The following PIEZO2 variants were observed in gnomAD, a reference collection of about 807,000 sequenced individuals.
PIEZO2 encodes piezo type mechanosensitive ion channel component 2, also known as piezo-type mechanosensitive ion channel component 2.
In PIEZO2, 172 loss-of-function variants were observed where a neutral mutation model predicts 337.3. The ratio of observed to expected loss-of-function variants is 0.51; its 90% confidence interval spans 0.45 to 0.58. The LOEUF (loss-of-function observed/expected upper bound fraction) is 0.58, where lower values mean the gene tolerates loss of function less well. Among genes scored for constraint, PIEZO2 ranks in the 20% least tolerant of loss-of-function variants. PIEZO2 has a pLI of 0.00. For missense variants in PIEZO2, 3,028 were observed against 3,391.3 expected (o/e 0.89, Z 2.66); for synonymous variants, 1,251 against 1,228.5 (o/e 1.02, Z -0.38).
Position 10,679,907 on chromosome 18 carries a change from ACAG to A in PIEZO2, c.7952+289_7952+291del, listed in dbSNP as rs1443405830. Among the ~76,000 whole-genome samples, 10 of 152,318 alleles carry A rather than the reference ACAG, an allele frequency of 6.6e-5. No individual in the cohort carries two copies. The East Asian group carries it at 1.5e-3, about 23-fold the overall frequency. ...GGATTTTGGAATGCAAAAATAAAAA[ACAG>A]CAACAACAACAAAAACCCCAAAACC... On this transcript the variant is annotated intron_variant, in intron 52 of 55. Transcript: ENST00000674853.
At chr18:10,760,626 T>G (rs767076613) in intron 24 of PIEZO2, among the ~76,000 whole-genome samples, 7 of 152,164 alleles carry the variant, frequency 4.6e-5, no homozygotes, top group Non-Finnish European at 7.3e-5. Flanking sequence ...ACTTTATTCT[T>G]AATAAGAAAC....
intron 1 of PIEZO2, among the ~76,000 whole-genome samples, chr18:11,137,763 G>C (rs1218344908): frequency 6.6e-6 from 1 of 152,208 alleles, no homozygotes; most frequent in East Asian, 1.9e-4. Context: ...AAGATTACCA[G>C]CTTGCTAAGG....
intron 7 of PIEZO2, among the ~76,000 whole-genome samples, chr18:10,852,005 G>T (rs894934963): frequency 2.6e-5 from 4 of 152,068 alleles, no homozygotes; most frequent in South Asian, 2.1e-4. Flanking sequence ...CCCTACAGAG[G>T]ATATTTACAT....
chr18:10,820,596 A>C (rs1325528126), intron 7 of PIEZO2, among the ~76,000 whole-genome samples: 1 of 152,192 alleles, frequency 6.6e-6, no homozygotes, highest in African/African-American at 2.4e-5. Flanking sequence ...AAAATATTTT[A>C]AAAAGCTGTT....
rs573368084 is a variant in PIEZO2 at position 11,009,173 on chromosome 18, G to C, written c.161-29513C>G. Among the ~76,000 whole-genome samples the C allele has an allele frequency of 1.6e-4, 24 of 152,338 alleles. No homozygotes were observed. The South Asian group carries it at 4.3e-3, about 28-fold the overall frequency. ...GTAGGAATCCTGGTAGGTTGCTCTT[G>C]CCACGTCACTGTTATTTGCCTGGGC... On this transcript the variant is annotated intron_variant, in intron 2 of 55. Coordinates refer to ENST00000674853, the MANE Select transcript of PIEZO2 (RefSeq NM_001378183.1). This position sits in a 1 kb window ranked among gnomAD's most constrained non-coding sequence, Gnocchi z 4.6.
chr18:10,691,782 C>CACACACATATATAT, intron 47 of PIEZO2, among the ~76,000 whole-genome samples: 1 of 96,614 alleles, frequency 1.0e-5, no homozygotes, highest in Admixed American at 1.1e-4. Context: ...CACACACACA[C>CACACACATATATAT]ATATATATAT....
rs530210220 is a variant in PIEZO2 at position 10,798,986 on chromosome 18, G to A, written c.1378+1351C>T. 2.4e-4 allele frequency among the ~76,000 whole-genome samples: 37 copies of A among 152,252 alleles called. No individual in the cohort carries two copies. In the South Asian group the frequency reaches 7.3e-3, roughly 30 times the overall value. ...CATGGGTTGGGTGTGAGGGTGGGGT[G>A]GGGGTGGTGGCTGACCTTGATTTAA... is the stretch of plus-strand genomic sequence containing the variant. On this transcript the variant is annotated intron_variant, in intron 11 of 55. Transcript: ENST00000674853.
At position 11,110,771 on chromosome 18, in the gene PIEZO2, G is replaced by A. The variant is rs2039707641; in HGVS notation, c.64+37754C>T. Among the ~76,000 whole-genome samples, 1 of 151,894 alleles carries A rather than the reference G, an allele frequency of 6.6e-6. No homozygotes were observed. Among genetic ancestry groups the A allele is most frequent in the African/African-American group, 2.4e-5 (1 of 41,360 alleles). ...GTCAAGCTGATGGCAGGCAGCTCTG[G>A]CCCACGTGTGCGTTTCCTTTGGAAC... On this transcript the variant is annotated intron_variant, in intron 1 of 55. Transcript: ENST00000674853. The surrounding 1 kb of genome is among the most constrained non-coding windows in gnomAD (Gnocchi z 4.2).
chr18:10,927,996 C>T (rs1002425033), intron 3 of PIEZO2, among the ~76,000 whole-genome samples: 3 of 152,126 alleles, frequency 2.0e-5, no homozygotes, highest in African/African-American at 7.2e-5. Context: ...AAGGAAGATT[C>T]AAAATTTCAC....
intron 1 of PIEZO2, among the ~76,000 whole-genome samples, chr18:11,138,270 AGT>A (rs1316383184): frequency 6.6e-6 from 1 of 152,126 alleles, no homozygotes; most frequent in Non-Finnish European, 1.5e-5. Context: ...CAAAAGATAT[AGT>A]GTTTTTTTTG....
chr18:10,947,850 T>G (rs972684645), intron 3 of PIEZO2, among the ~76,000 whole-genome samples: 1 of 152,144 alleles, frequency 6.6e-6, no homozygotes, highest in South Asian at 2.1e-4. Context: ...TAGTATACTA[T>G]TGCAAAGTTC....
intron 3 of PIEZO2, among the ~76,000 whole-genome samples, chr18:10,951,376 C>T (rs1034120204): frequency 6.6e-6 from 1 of 152,148 alleles, no homozygotes; most frequent in Admixed American, 6.6e-5. Context: ...TTGAGGGATT[C>T]ATCTCTACAT....
intron 2 of PIEZO2, among the ~76,000 whole-genome samples, chr18:11,063,213 T>C (rs953073562): frequency 6.3e-5 from 9 of 142,178 alleles, no homozygotes; most frequent in Admixed American, 4.6e-4. Flanking sequence ...TCCTCACTCA[T>C]AGGTGGGAAT....
chr18:10,696,564 C>G, intron 45 of PIEZO2, 25 bp from the exon 46 acceptor site: 1 of 1,611,894 alleles, frequency 6.2e-7, no homozygotes, highest in South Asian at 1.1e-5. Context: ...CCCCCACCCC[C>G]AACCCACTTG....
chr18:10,989,119 G>A (rs1354492561), intron 2 of PIEZO2, among the ~76,000 whole-genome samples: 4 of 152,034 alleles, frequency 2.6e-5, no homozygotes, highest in African/African-American at 9.7e-5. Context: ...TAATAATAAA[G>A]GAAGAGAGAG....
chr18:10,776,027 T>C (rs114420626), intron 18 of PIEZO2, among the ~76,000 whole-genome samples: 2,675 of 152,348 alleles, frequency 0.018, 67 homozygotes, highest in African/African-American at 0.06. Flanking sequence ...AAAAACTGTG[T>C]GCATAAAACA....
rs182157191 is a variant in PIEZO2, at chr18:10,783,156, T to C, written c.2492+1628A>G. On this transcript the variant is annotated intron_variant, in intron 17 of 55. Coordinates refer to ENST00000674853, the MANE Select transcript of PIEZO2 (RefSeq NM_001378183.1). This position sits in a 1 kb window ranked among gnomAD's most constrained non-coding sequence, Gnocchi z 4.3. ...TTGGAAGAAAAAAAAGATTTTTTTT[T>C]AAAAAAGATTTCACTAGCAATGCTT... Among the ~76,000 whole-genome samples, 2 of 151,972 alleles carry C rather than the reference T, an allele frequency of 1.3e-5. No individual in the cohort carries two copies. The highest frequency in any genetic ancestry group is 4.8e-5 in the African/African-American group (2 of 41,394).
chr18:11,012,699 A>T (rs955794463), intron 2 of PIEZO2, among the ~76,000 whole-genome samples: 1 of 152,190 alleles, frequency 6.6e-6, no homozygotes, highest in African/African-American at 2.4e-5. Context: ...GTAACAGTTG[A>T]TTTGACTTTA....
chr18:10,875,496 G>A (rs4998922), intron 4 of PIEZO2, among the ~76,000 whole-genome samples: 1,882 of 152,258 alleles, frequency 0.012, 44 homozygotes, highest in African/African-American at 0.043. Flanking sequence ...TGGCTGTTTC[G>A]GTGTGGGGCT....
Sources: allele counts gnomAD v4.1 joint callset (sites outside exome capture counted in the v4.1 genomes callset), GRCh38; gene constraint gnomAD v4.1.1; non-coding constraint Gnocchi (gnomAD v3.1); transcripts MANE v1.5; gene names NCBI Gene and HGNC (gene_info 2026-07-23, HGNC 2026-07-21).